Variants in MLKL observed in about 807,000 individuals in gnomAD.
MLKL encodes the protein mixed lineage kinase domain-like protein.
In MLKL, 55 loss-of-function variants were observed where a neutral mutation model predicts 56.5. The observed-to-expected ratio is 0.97, with a 90% CI of 0.78 to 1.22. The LOEUF is 1.22. Among genes scored for constraint, MLKL ranks in the 50% most tolerant of loss-of-function variants. The probability of loss-of-function intolerance (pLI) is 0.00; values close to 1 mark genes in which losing one functional copy is unlikely to be tolerated. For synonymous variants in MLKL, 251 were observed against 208.3 expected (o/e 1.20, Z -1.76); for missense variants, 694 against 573.9 (o/e 1.21, Z -2.14).
intron 1 of MLKL, among the ~76,000 whole-genome samples, chr16:74,696,697 C>T (rs1466023535): frequency 1.3e-5 from 2 of 151,240 alleles, no homozygotes; most frequent in African/African-American, 4.8e-5. Context: ...GTGACTCACG[C>T]CAGTAATCCC....
rs925140981 is a variant in MLKL, at chr16:74,676,131, G to C, written c.1039-367C>G. The C allele has an allele frequency of 3.0e-5, 13 of 433,550 alleles. 2 individuals carry two copies. Among genetic ancestry groups the C allele is most frequent in the Non-Finnish European group, 9.5e-6 (3 of 317,392 alleles). The allele number at this position is 433,550 out of a possible 1,614,324, so 26.9% of individuals were successfully genotyped here. ...GAGGACTGAACTCCACTCAGTGAGA[G>C]TGGAGAGGGGTCATAGAGCCACTGC... On this transcript the variant is annotated intron_variant, in intron 7 of 10. Coordinates refer to ENST00000308807, the MANE Select transcript of MLKL (RefSeq NM_152649.4).
intron 1 of MLKL, among the ~76,000 whole-genome samples, chr16:74,698,074 G>A (rs1961157670): frequency 6.6e-6 from 1 of 151,252 alleles, no homozygotes; most frequent in South Asian, 2.1e-4. Flanking sequence ...ATGTGGTGGT[G>A]CTTGCCTGTA....
chr16:74,685,627 G>A (rs370555939), intron 4 of MLKL, 44 bp from the exon 5 acceptor site: 46 of 1,497,266 alleles, frequency 3.1e-5, no homozygotes, highest in South Asian at 3.4e-5. Context: ...GAACTGGAAG[G>A]TTCCTTAGAG....
intron 1 of MLKL, 82 bp from the exon 2 acceptor site, chr16:74,695,841 C>T: frequency 7.8e-7 from 1 of 1,286,244 alleles, no homozygotes; most frequent in Non-Finnish European, 1.1e-6. Context: ...TCAAAGCGGT[C>T]TGTGACTTAA....
intron 10 of MLKL, among the ~76,000 whole-genome samples, chr16:74,673,970 A>G (rs969207856): frequency 2.0e-5 from 3 of 151,032 alleles, no homozygotes; most frequent in Non-Finnish European, 3.0e-5. Context: ...AAAAAAAAAA[A>G]AACCATAAAT....
At position 74,685,387 on chromosome 16, in the gene MLKL, ACC is replaced by A. The variant is rs946323571; in HGVS notation, c.820+97_820+98del. On this transcript the variant is annotated intron_variant, in intron 5 of 10. Transcript: ENST00000308807. ...ATAATAATCACACTTTGTGGATTCCACCCTTTGTGATGTTCTTTAAAAAAATG... is the reference window on the plus strand; with the variant it reads ...ATAATAATCACACTTTGTGGATTCCACTTTGTGATGTTCTTTAAAAAAATG... The A allele has an allele frequency of 8.3e-5, 71 of 856,780 alleles. No homozygotes were observed. The African/African-American group carries it at 1.1e-3, about 13-fold the overall frequency. The allele number at this position is 856,780 out of a possible 1,614,324, so 53.1% of individuals were successfully genotyped here. A position where few individuals can be genotyped will look rare whatever the true frequency, so the allele number is the denominator to read the frequency against.
At chr16:74,692,582 A>C (rs1312137523) in intron 2 of MLKL, among the ~76,000 whole-genome samples, 166 bp from the exon 3 acceptor site, 1 of 152,252 alleles carries the variant, frequency 6.6e-6, no homozygotes, top group African/African-American at 2.4e-5. Context: ...ACTTCTGAGC[A>C]CATAGGAAAT....
Position 74,692,392 on chromosome 16 carries a change from A to T in MLKL, c.485T>A (p.Leu162Gln). The change falls in exon 3 of 11, where the codon CTG (leucine) becomes CAG (glutamine). Residue 162 changes from leucine to glutamine, a missense_variant. Transcript: ENST00000308807. Reference sequence around the variant, plus strand: ...TTTCATGTTGATTTCTAATCGTCTCAGTGAAGCTTCTATTTTTTCATTATC... The same window carrying T: ...TTTCATGTTGATTTCTAATCGTCTCTGTGAAGCTTCTATTTTTTCATTATC... ...RRDNEKIEAS[L>Q]RRLEINMKEI... 6.2e-7 allele frequency: 1 copy of T among 1,613,738 alleles called. No homozygotes were observed. The highest frequency in any genetic ancestry group is 8.5e-7 in the Non-Finnish European group (1 of 1,179,908).
intron 3 of MLKL, among the ~76,000 whole-genome samples, chr16:74,691,772 T>C (rs1022135528): frequency 1.3e-5 from 2 of 152,170 alleles, no homozygotes; most frequent in Admixed American, 1.3e-4. Flanking sequence ...TGGAAGGATG[T>C]CTATTCCTGT....
chr16:74,675,481 C>G, intron 8 of MLKL, 77 bp from the exon 9 acceptor site: 1 of 1,580,002 alleles, frequency 6.3e-7, no homozygotes, highest in Non-Finnish European at 8.6e-7. Context: ...TGCCAGAAAA[C>G]TCAGTGAATT....
Position 74,682,638 on chromosome 16 carries a change from C to G in MLKL, c.956+13G>C, listed in dbSNP as rs771459153. On this transcript the variant is annotated intron_variant, in intron 6 of 10. Transcript: ENST00000308807. ...CATCCAACCCTTAGTGGCGCCTTTT[C>G]ACCCCGTCTTACCGGTATAGGCCTC... 1.2e-6 allele frequency: 2 copies of G among 1,613,438 alleles called. No individual in the cohort carries two copies. The highest frequency in any genetic ancestry group is 4.5e-5 in the East Asian group (2 of 44,868).
At chr16:74,686,661 T>C (rs1196799619) in intron 4 of MLKL, among the ~76,000 whole-genome samples, 2 of 152,096 alleles carry the variant, frequency 1.3e-5, no homozygotes, top group East Asian at 1.9e-4. Context: ...CCTTAAAAAA[T>C]GTAGGCAGGT....
intron 7 of MLKL, chr16:74,676,006 G>T: frequency 2.0e-6 from 1 of 502,962 alleles, no homozygotes; most frequent in Non-Finnish European, 3.5e-6. Flanking sequence ...GCGATGACAG[G>T]GGGGATTACT....
chr16:74,694,795 C>A (rs955034001), intron 2 of MLKL, among the ~76,000 whole-genome samples: 1 of 152,102 alleles, frequency 6.6e-6, no homozygotes, highest in African/African-American at 2.4e-5. Context: ...TCCTCTTCAA[C>A]GCTGGCTTGC....
intron 2 of MLKL, 145 bp downstream of exon 2, chr16:74,695,153 A>G (rs1485451551): frequency 2.4e-6 from 2 of 846,852 alleles, no homozygotes; most frequent in Non-Finnish European, 3.6e-6. Context: ...ATTACAGGCG[A>G]GAGCCATCGC....
chr16:74,695,730 G>C lies in MLKL; in HGVS notation c.28C>G (p.Leu10Val), dbSNP rs776790744. Residue 10 changes from leucine (L) to valine (V), a missense_variant, in exon 2 of 11, where the codon CTT (leucine) becomes GTT (valine). Physicochemically the swap from Leu to Val is conservative, Grantham distance 32. Coordinates refer to ENST00000308807, the MANE Select transcript of MLKL (RefSeq NM_152649.4). Reference sequence around the variant, plus strand: ...CACCGTTTGTGGATGACCTGGCCAAGGGTGATAATATGCTTCAAATTTTCC... The same window carrying C: ...CACCGTTTGTGGATGACCTGGCCAACGGTGATAATATGCTTCAAATTTTCC... MENLKHIIT[L>V]GQVIHKRCEE... The C allele has an allele frequency of 2.5e-6, 4 of 1,603,462 alleles. No homozygotes were observed. The highest frequency in any genetic ancestry group is 3.5e-5 in the Admixed American group (2 of 57,684).
intron 2 of MLKL, among the ~76,000 whole-genome samples, chr16:74,693,497 G>GAAAGAA (rs1292675677): frequency 1.5e-5 from 2 of 129,618 alleles, no homozygotes; most frequent in Admixed American, 7.6e-5. Flanking sequence ...AAGAAAGAAA[G>GAAAGAA]AAAAGAAAAA....
At chr16:74,686,047 C>T (rs7192348) in intron 4 of MLKL, among the ~76,000 whole-genome samples, 27,626 of 151,430 alleles carry the variant, frequency 0.18, 2,932 homozygotes, top group South Asian at 0.44. Context: ...GCAGCCTCCA[C>T]CTCCCAGGTT....
Position 74,678,926 on chromosome 16 carries a change from G to A in MLKL, c.1011C>T (p.Phe337=), listed in dbSNP as rs1482578466. The A allele has an allele frequency of 8.7e-6, 14 of 1,614,032 alleles. No homozygotes were observed. Among genetic ancestry groups the A allele is most frequent in the Middle Eastern group, 1.6e-4 (1 of 6,084 alleles). The part of the protein sequence containing the change: ...ELHGKIRSSN[F]LVTQGYQVKL... ...TCACTTGGTAGCCTTGAGTTACCAG[G>A]AAGTTTGAGCTTCTGATTTTTCCGT... Residue 337 remains phenylalanine (F), a synonymous_variant, in exon 7 of 11, where the codon TTC becomes TTT. Transcript: ENST00000308807.
Sources: allele counts gnomAD v4.1 joint callset (sites outside exome capture counted in the v4.1 genomes callset), GRCh38; gene constraint gnomAD v4.1.1; transcripts MANE v1.5; gene names NCBI Gene and HGNC (gene_info 2026-07-23, HGNC 2026-07-21).